Variants in PGS1 observed in about 807,000 individuals in gnomAD.
PGS1 encodes CDP-diacylglycerol--glycerol-3-phosphate 3-phosphatidyltransferase, mitochondrial.
A neutral mutation model predicts 58.3 loss-of-function variants in PGS1; 44 were observed. The ratio of observed to expected loss-of-function variants is 0.75; its 90% CI spans 0.59 to 0.97. The LOEUF (loss-of-function observed/expected upper bound fraction) is 0.97, where lower values mean the gene tolerates loss of function less well. PGS1 is among the 50% of genes least tolerant of loss of function. The pLI, the probability that PGS1 is intolerant of heterozygous loss-of-function variation, is 0.00. For synonymous variants in PGS1, 330 were observed against 311.0 expected, an observed-to-expected ratio of 1.06 and a Z score of -0.64; for missense variants, 684 against 731.1, an observed-to-expected ratio of 0.94 and a Z score of 0.74.
At chr17:78,408,979 C>A (rs553348637) in intron 7 of PGS1, among the ~76,000 whole-genome samples, 1 of 152,198 alleles carries the variant, frequency 6.6e-6, no homozygotes, top group East Asian at 1.9e-4. Flanking sequence ...AGGAGCAGCC[C>A]GGCCTTGTCA....
intron 9 of PGS1, among the ~76,000 whole-genome samples, chr17:78,423,306 TGCTTGTGGGAACG>T (rs1288578750): frequency 1.3e-5 from 2 of 152,108 alleles, no homozygotes; most frequent in Non-Finnish European, 2.9e-5. Context: ...GTCCGGGGCT[TGCTTGTGGGAACG>T]GCTTGTTCTT....
chr17:78,396,530 T>C (rs1323329020), intron 3 of PGS1, 145 bp downstream of exon 3: 3 of 637,980 alleles, frequency 4.7e-6, no homozygotes, highest in South Asian at 3.9e-5. Flanking sequence ...GCCCCAGATA[T>C]GGGCATGTCA....
At chr17:78,402,955 G>A (rs1424670342) in intron 6 of PGS1, among the ~76,000 whole-genome samples, 1 of 152,158 alleles carries the variant, frequency 6.6e-6, no homozygotes, top group East Asian at 1.9e-4. Context: ...ACCCCATGCA[G>A]AGCCTGAGCC....
At chr17:78,386,692 A>T (rs1326704691) in intron 1 of PGS1, among the ~76,000 whole-genome samples, 1 of 152,092 alleles carries the variant, frequency 6.6e-6, no homozygotes, top group African/African-American at 2.4e-5. Flanking sequence ...CCTCCCTGGG[A>T]TGGGGGAATT....
At chr17:78,407,607 C>G (rs2084266664) in intron 7 of PGS1, among the ~76,000 whole-genome samples, 2 of 152,268 alleles carry the variant, frequency 1.3e-5, no homozygotes, top group African/African-American at 4.8e-5. Flanking sequence ...CACTCCCTTA[C>G]TCAGGTCCTG....
chr17:78,378,660 G>T lies in PGS1; in HGVS notation c.-6G>T. On this transcript the variant is annotated 5_prime_UTR_variant, in exon 1 of 10. Transcript: ENST00000262764. ...CCGGGAGCGGAAGCGGAAGCGGCGAGTCTCCATGGCGGTGGCGGCGGCAGC... is the reference window on the plus strand; with the variant it reads ...CCGGGAGCGGAAGCGGAAGCGGCGATTCTCCATGGCGGTGGCGGCGGCAGC... 1 of 1,530,474 alleles carries T rather than the reference G, an allele frequency of 6.5e-7. No individual in the cohort carries two copies. 94.8% of individuals were successfully genotyped at this position (1,530,474 alleles called of 1,614,324 possible).
chr17:78,389,176 C>T (rs1007714981), intron 1 of PGS1, among the ~76,000 whole-genome samples: 6 of 148,598 alleles, frequency 4.0e-5, no homozygotes, highest in Admixed American at 3.4e-4. Context: ...AGTTCTGCCT[C>T]AGCCACGGGC....
chr17:78,422,674 T>TTTTGA (rs965376529), intron 9 of PGS1, among the ~76,000 whole-genome samples: 167 of 152,192 alleles, frequency 1.1e-3, no homozygotes, highest in African/African-American at 3.9e-3. Context: ...TTTTTTGTAT[T>TTTTGA]TTTGATTGAT....
chr17:78,423,935 C>T (rs2086234648), intron 9 of PGS1, 126 bp from the exon 10 acceptor site: 1 of 1,613,820 alleles, frequency 6.2e-7, no homozygotes, highest in African/African-American at 1.3e-5. Context: ...GCCACGGCTG[C>T]CAGGATCCAC....
chr17:78,397,589 A>ACCCCC lies in PGS1; in HGVS notation c.412-660_412-656dup, dbSNP rs34040603. 3.8e-3 allele frequency among the ~76,000 whole-genome samples: 499 copies of ACCCCC among 129,708 alleles called. 4 individuals are homozygous for ACCCCC. Among genetic ancestry groups the ACCCCC allele is most frequent in the African/African-American group, 0.011 (427 of 38,484 alleles). 85.1% of individuals were successfully genotyped at this position (129,708 alleles called of 152,430 possible). On this transcript the variant is annotated intron_variant, in intron 3 of 9. Coordinates refer to ENST00000262764, the MANE Select transcript of PGS1 (RefSeq NM_024419.5). ...GTAGTTGGGATTACAGGCATGCGCC[A>ACCCCC]CCCCCCCAGCTAATTTTGTATTTTT...
At chr17:78,406,284 T>C (rs1814847) in intron 7 of PGS1, among the ~76,000 whole-genome samples, 150,447 of 152,208 alleles carry the variant, frequency 0.99, 74,381 homozygotes, top group Middle Eastern at 1. Flanking sequence ...TGCCACTGCA[T>C]TCCAGCCTGG....
intron 2 of PGS1, among the ~76,000 whole-genome samples, chr17:78,394,562 C>CTTTT (rs557256277): frequency 6.7e-6 from 1 of 148,782 alleles, no homozygotes; most frequent in Admixed American, 6.7e-5. Flanking sequence ...CTTTTCTTTT[C>CTTTT]TTTTTTTTTT....
chr17:78,399,652 T>A, intron 5 of PGS1, 115 bp downstream of exon 5: 1 of 1,048,158 alleles, frequency 9.5e-7, no homozygotes, highest in South Asian at 1.5e-5. Context: ...TGCTTGTAGG[T>A]CTGGCTGCTG....
rs375967189 is a variant in PGS1 at position 78,400,818 on chromosome 17, G to A, written c.843G>A (p.Thr281=). 338 of 1,611,886 alleles carry A rather than the reference G, an allele frequency of 2.1e-4. No homozygotes were observed. Among genetic ancestry groups the A allele is most frequent in the Non-Finnish European group, 2.8e-4 (330 of 1,178,758 alleles). ...DVSLQLQGDD[T]VQVVDGMVHP... ...CCCTGCAGCTGCAGGGGGACGACACGGTGCAGGTGGTGGATGGGATGGTGC... is the reference window on the plus strand; with the variant it reads ...CCCTGCAGCTGCAGGGGGACGACACAGTGCAGGTGGTGGATGGGATGGTGC... The change falls in exon 6 of 10, where the codon ACG becomes ACA. Residue 281 remains threonine (T), a synonymous_variant. Coordinates refer to ENST00000262764, the MANE Select transcript of PGS1 (RefSeq NM_024419.5). The surrounding 1 kb of genome is among the most constrained non-coding windows in gnomAD (Gnocchi z 4.4).
rs191671945 is a variant in PGS1 at position 78,424,112 on chromosome 17, G to A, written c.*62G>A. The A allele has an allele frequency of 4.1e-4, 667 of 1,613,604 alleles. 3 individuals are homozygous for A. In the East Asian group the frequency reaches 0.011, roughly 26 times the overall value. ...ATGGCCGGGGTCAGCTCTTTCAGCC[G>A]CGCTTCAGCGATGACTCCAGTCTGG... On this transcript the variant is annotated 3_prime_UTR_variant, in exon 10 of 10. Transcript: ENST00000262764.
rs758131772 is a variant in PGS1 at position 78,396,302 on chromosome 17, T to G, written c.334-6T>G. 1 of 1,610,502 alleles carries G rather than the reference T, an allele frequency of 6.2e-7. No homozygotes were observed. The highest frequency in any genetic ancestry group is 1.1e-5 in the South Asian group (1 of 91,020). On this transcript the variant is annotated splice_polypyrimidine_tract_variant and splice_region_variant and intron_variant, in intron 2 of 9. Coordinates refer to ENST00000262764, the MANE Select transcript of PGS1 (RefSeq NM_024419.5). ...ATTTGAATTTTGAATTTTTCTCCTC[T>G]CTCAGGGGCAGATAAGAGTAGCCAA...
At position 78,422,600 on chromosome 17, in the gene PGS1, C is replaced by T. The variant is rs1304546437; in HGVS notation, c.*11-1461C>T. On this transcript the variant is annotated intron_variant, in intron 9 of 9. Coordinates refer to ENST00000262764, the MANE Select transcript of PGS1 (RefSeq NM_024419.5). ...GCGTACTTGACCTCATGGGCTCAAG[C>T]GACCCTCCTGCCTCAGCCTCCTGAG... 3.1e-5 allele frequency among the ~76,000 whole-genome samples: 4 copies of T among 130,052 alleles called. No individual in the cohort carries two copies. In the East Asian group the frequency reaches 6.0e-4, roughly 20 times the overall value. The allele number at this position is 130,052 out of a possible 152,430, so 85.3% of individuals were successfully genotyped here.
chr17:78,379,856 A>T (rs2081912410), intron 1 of PGS1, among the ~76,000 whole-genome samples: 3 of 151,276 alleles, frequency 2.0e-5, no homozygotes, highest in Admixed American at 6.6e-5. Context: ...CTTGTGTGCA[A>T]ATAGTTTTCT....
chr17:78,394,084 A>G (rs2083031638), intron 2 of PGS1, among the ~76,000 whole-genome samples: 1 of 149,030 alleles, frequency 6.7e-6, no homozygotes, highest in South Asian at 2.1e-4. Flanking sequence ...AGGCAGGAGA[A>G]TCGCTTGAAC....
Sources: allele counts gnomAD v4.1 joint callset (sites outside exome capture counted in the v4.1 genomes callset), GRCh38; gene constraint gnomAD v4.1.1; non-coding constraint Gnocchi (gnomAD v3.1); transcripts MANE v1.5; gene names NCBI Gene and HGNC (gene_info 2026-07-23, HGNC 2026-07-21).